Variants in LUZP2 observed in about 807,000 individuals in gnomAD.
The protein encoded by LUZP2 is leucine zipper protein 2.
Under a neutral mutation model 51.6 loss-of-function variants are expected in LUZP2, and 52 were observed. The observed-to-expected ratio is 1.01, with a 90% CI of 0.81 to 1.27. The LOEUF is 1.27. LUZP2 is among the 50% of genes most tolerant of loss of function. The pLI, the probability that LUZP2 is intolerant of heterozygous loss-of-function variation, is 0.00. For missense variants in LUZP2, 436 were observed against 395.4 expected (o/e 1.10, Z -0.87); for synonymous variants, 154 against 137.3 (o/e 1.12, Z -0.85).
At chr11:24,771,655 C>T (rs74472285) in intron 5 of LUZP2, among the ~76,000 whole-genome samples, 12,203 of 151,878 alleles carry the variant, frequency 0.08, 1,056 homozygotes, top group African/African-American at 0.22. Flanking sequence ...TAATTACTGA[C>T]ATGGTTTGGC....
intron 5 of LUZP2, among the ~76,000 whole-genome samples, chr11:24,827,672 A>G (rs1850583399): frequency 6.6e-6 from 1 of 152,138 alleles, no homozygotes; most frequent in Non-Finnish European, 1.5e-5. Context: ...TGGAAACCAG[A>G]CCAGGCAAGG....
At chr11:24,838,488 T>G (rs1039404965) in intron 5 of LUZP2, among the ~76,000 whole-genome samples, 2 of 151,804 alleles carry the variant, frequency 1.3e-5, no homozygotes, top group South Asian at 2.1e-4. Context: ...CTTTTCTCTC[T>G]GCATATATCG....
intron 9 of LUZP2, among the ~76,000 whole-genome samples, chr11:25,017,175 C>G (rs1468207415): frequency 6.6e-6 from 1 of 152,044 alleles, no homozygotes. Context: ...GGATATTAGT[C>G]CTATGACAGA....
chr11:24,839,389 A>C (rs1161612089), intron 5 of LUZP2, among the ~76,000 whole-genome samples: 2 of 151,726 alleles, frequency 1.3e-5, no homozygotes. Context: ...TTTGTTAGAA[A>C]ACCATCTATT....
At chr11:24,576,954 A>G (rs1852672884) in intron 1 of LUZP2, among the ~76,000 whole-genome samples, 3 of 152,206 alleles carry the variant, frequency 2.0e-5, no homozygotes, top group Middle Eastern at 3.4e-3. Context: ...CGTATGTTCA[A>G]TCAGAAGAAA....
In LUZP2 at chr11:24,574,216, CTTT is replaced by C. The variant is rs1852541972; in HGVS notation, c.62+76912_62+76914del. 1.0e-3 allele frequency among the ~76,000 whole-genome samples: 84 copies of C among 81,922 alleles called. 5 individuals carry two copies. The highest frequency in any genetic ancestry group is 3.2e-3 in the African/African-American group (82 of 25,328). 53.7% of individuals were successfully genotyped at this position (81,922 alleles called of 152,430 possible). A position where few individuals can be genotyped will look rare whatever the true frequency, so the allele number is the denominator to read the frequency against. ...TTTCTTTCTCTTTCTTCCTTCCTTT[CTTT>C]CTTTCTTTCTTTCTTTCTTTCTTTC... On this transcript the variant is annotated intron_variant, in intron 1 of 11. Coordinates refer to ENST00000336930, the MANE Select transcript of LUZP2 (RefSeq NM_001009909.4).
At chr11:24,713,501 G>T (rs1000345770) in intron 1 of LUZP2, among the ~76,000 whole-genome samples, 1 of 151,330 alleles carries the variant, frequency 6.6e-6, no homozygotes. Context: ...CATATCTATG[G>T]GTCCAACCAT....
chr11:24,898,093 C>A (rs1565075866), intron 5 of LUZP2, among the ~76,000 whole-genome samples: 1 of 151,948 alleles, frequency 6.6e-6, no homozygotes, highest in Non-Finnish European at 1.5e-5. Context: ...AAGAAAAAAA[C>A]TGGAATGTAT....
chr11:25,056,924 C>A (rs1360133571), intron 10 of LUZP2, among the ~76,000 whole-genome samples: 1 of 151,686 alleles, frequency 6.6e-6, no homozygotes, highest in Non-Finnish European at 1.5e-5. Context: ...CATGGTGAAA[C>A]CCCATCTCTA....
chr11:24,849,216 G>A (rs1420695389), intron 5 of LUZP2, among the ~76,000 whole-genome samples: 1 of 152,082 alleles, frequency 6.6e-6, no homozygotes, highest in Admixed American at 6.6e-5. Context: ...CTACCATGGT[G>A]GTTTGCTGCA....
At chr11:24,747,023 A>G (rs1301876705) in intron 4 of LUZP2, among the ~76,000 whole-genome samples, 1 of 152,130 alleles carries the variant, frequency 6.6e-6, no homozygotes, top group East Asian at 1.9e-4. Context: ...GATTAGGTTA[A>G]TAACTAACCG....
chr11:24,526,264 G>C (rs564510631), intron 1 of LUZP2, among the ~76,000 whole-genome samples: 962 of 71,082 alleles, frequency 0.014, 17 homozygotes, highest in African/African-American at 0.054. Flanking sequence ...ACACTAGGGG[G>C]CAAAAAAAAA....
At chr11:24,732,818 G>A (rs2716453) in intron 3 of LUZP2, among the ~76,000 whole-genome samples, 72,929 of 151,430 alleles carry the variant, frequency 0.48, 18,471 homozygotes, top group African/African-American at 0.56. Flanking sequence ...CTTCTAGTAG[G>A]TTTGTATATA....
intron 1 of LUZP2, among the ~76,000 whole-genome samples, chr11:24,615,336 C>A (rs1247964912): frequency 1.3e-5 from 2 of 151,884 alleles, no homozygotes; most frequent in East Asian, 1.9e-4. Context: ...TGATCCCTGG[C>A]AACCTCTAAT....
chr11:24,927,619 C>T lies in LUZP2; in HGVS notation c.522+13081C>T, dbSNP rs925663298. Among the ~76,000 whole-genome samples the T allele has an allele frequency of 3.9e-5, 6 of 152,056 alleles. No individual in the cohort carries two copies. In the South Asian group the frequency reaches 1.0e-3, roughly 26 times the overall value. ...CTATATAACTATTTTTATACCAGTACCATGTTGTTTTGGTGACTATGGCCT... is the reference window on the plus strand; with the variant it reads ...CTATATAACTATTTTTATACCAGTATCATGTTGTTTTGGTGACTATGGCCT... On this transcript the variant is annotated intron_variant, in intron 7 of 11. Transcript: ENST00000336930.
At chr11:24,523,507 G>A (rs58447204) in intron 1 of LUZP2, among the ~76,000 whole-genome samples, 2,477 of 140,246 alleles carry the variant, frequency 0.018, 70 homozygotes, top group African/African-American at 0.063. Context: ...ACAAAAAAAA[G>A]AATACTTCGT....
intron 1 of LUZP2, among the ~76,000 whole-genome samples, chr11:24,601,986 A>G (rs61875665): frequency 6.0e-5 from 4 of 66,750 alleles, no homozygotes; most frequent in African/African-American, 2.3e-4. Context: ...ATGTATATAT[A>G]TGTGTATATA....
chr11:24,758,800 C>T (rs956732420), intron 4 of LUZP2, among the ~76,000 whole-genome samples: 3 of 151,780 alleles, frequency 2.0e-5, no homozygotes, highest in Admixed American at 6.6e-5. Flanking sequence ...TTTGTTTATG[C>T]ACATATGGTG....
At chr11:24,856,727 A>G (rs907032179) in intron 5 of LUZP2, among the ~76,000 whole-genome samples, 1 of 152,114 alleles carries the variant, frequency 6.6e-6, no homozygotes. Context: ...TGTACACACA[A>G]TGGAATACAT....
Sources: gnomAD v4.1 joint callset for allele counts (sites outside exome capture counted in the v4.1 genomes callset) on GRCh38, gnomAD v4.1.1 for gene constraint, MANE v1.5 for transcripts, NCBI Gene and HGNC (gene_info 2026-07-23, HGNC 2026-07-21) for gene names.